NRXN3: variants seen among roughly 807,000 people sequenced by gnomAD.
The protein encoded by NRXN3 is neurexin 3.
NRXN3 carries 32 observed loss-of-function variants against 137.6 expected under a neutral mutation model. That is an observed-to-expected ratio of 0.23 (90% CI 0.18 to 0.31). NRXN3 has a LOEUF of 0.31. Ranked by LOEUF, NRXN3 falls within the 10% of genes least tolerant of loss-of-function variation. The pLI is 1.00. For synonymous variants in NRXN3, 798 were observed against 784.5 expected (o/e 1.02, Z -0.29); for missense variants, 1,574 against 2,062.5 (o/e 0.76, Z 4.59).
At chr14:79,394,918 T>C (rs1344662655) in intron 15 of NRXN3, among the ~76,000 whole-genome samples, 1 of 152,194 alleles carries the variant, frequency 6.6e-6, no homozygotes, top group East Asian at 1.9e-4. Context: ...GTAAATGCAG[T>C]TCTGTCTAGC....
At chr14:78,853,644 T>C (rs1193037704) in intron 10 of NRXN3, among the ~76,000 whole-genome samples, 1 of 152,212 alleles carries the variant, frequency 6.6e-6, no homozygotes, top group Non-Finnish European at 1.5e-5. Flanking sequence ...CTACAATTAG[T>C]CCACGTTTAA....
chr14:78,336,460 C>G (rs1407001556), intron 4 of NRXN3, among the ~76,000 whole-genome samples: 3 of 152,076 alleles, frequency 2.0e-5, no homozygotes, highest in East Asian at 1.9e-4. Context: ...TGGCAGTGTT[C>G]TAGGTACTTG....
chr14:79,534,594 A>T (rs890470237), intron 16 of NRXN3, among the ~76,000 whole-genome samples: 4 of 152,190 alleles, frequency 2.6e-5, no homozygotes, highest in African/African-American at 7.2e-5. Flanking sequence ...TGTGAATTCT[A>T]TTCAGAGTTT....
At chr14:79,478,017 G>A (rs2096575026) in intron 16 of NRXN3, among the ~76,000 whole-genome samples, 1 of 151,876 alleles carries the variant, frequency 6.6e-6, no homozygotes, top group Non-Finnish European at 1.5e-5. Flanking sequence ...ATTTCCAATT[G>A]GAAATACATG....
chr14:79,421,977 A>G (rs116385695), intron 15 of NRXN3, among the ~76,000 whole-genome samples: 63 of 151,092 alleles, frequency 4.2e-4, no homozygotes, highest in African/African-American at 1.4e-3. Context: ...AGACTTCACC[A>G]TGTAGATCTC....
chr14:78,582,381 A>G (rs1330529511), intron 4 of NRXN3, among the ~76,000 whole-genome samples: 1 of 152,228 alleles, frequency 6.6e-6, no homozygotes, highest in Non-Finnish European at 1.5e-5. Context: ...CAGCAGCAGC[A>G]TCTCTTTCTA....
intron 10 of NRXN3, among the ~76,000 whole-genome samples, chr14:78,817,453 A>G (rs2098937301): frequency 6.6e-6 from 1 of 152,210 alleles, no homozygotes; most frequent in African/African-American, 2.4e-5. Context: ...TCAAAGCACA[A>G]GCCTTCATAA....
rs2099239851 is a variant in NRXN3 at position 78,912,047 on chromosome 14, T to C, written c.2276-45195T>C. 2.6e-5 allele frequency among the ~76,000 whole-genome samples: 4 copies of C among 151,802 alleles called. No individual in the cohort carries two copies. In the South Asian group the frequency reaches 8.4e-4, roughly 32 times the overall value. On this transcript the variant is annotated intron_variant, in intron 10 of 20. Coordinates refer to ENST00000335750, the MANE Select transcript of NRXN3 (RefSeq NM_001330195.2). ...AACTCGTCATTTAGCATTAGGTATA[T>C]CTCCTAATGCTATCCCTCCCCCTGC...
At chr14:79,438,491 G>T (rs1372345840) in intron 15 of NRXN3, among the ~76,000 whole-genome samples, 1 of 152,106 alleles carries the variant, frequency 6.6e-6, no homozygotes, top group African/African-American at 2.4e-5. Context: ...TTAATGTATG[G>T]ATTTTCTGTC....
At chr14:79,625,351 G>C (rs1335136853) in intron 16 of NRXN3, among the ~76,000 whole-genome samples, 2 of 152,076 alleles carry the variant, frequency 1.3e-5, no homozygotes, top group Non-Finnish European at 2.9e-5. Flanking sequence ...TAACTATAAA[G>C]ACATGAACCA....
Position 78,243,220 on chromosome 14 carries a change from TG to T in NRXN3, c.130del (p.Asp44MetfsTer8). 6.5e-7 allele frequency: 1 copy of T among 1,549,548 alleles called. No homozygotes were observed. The highest frequency in any genetic ancestry group is 8.7e-7 in the Non-Finnish European group (1 of 1,154,906). On this transcript the variant is annotated frameshift_variant, in exon 2 of 21. Coordinates refer to ENST00000335750, the MANE Select transcript of NRXN3 (RefSeq NM_001330195.2). LOFTEE classifies it high-confidence loss of function. This position sits in a 1 kb window ranked among gnomAD's most constrained non-coding sequence, Gnocchi z 4.2. Reference sequence around the variant, plus strand: ...CAACCAGTGGGCCCGCTACCTCCGCTGGGATGCCAGCACACGCAGTGACCTG... The same window carrying T: ...CAACCAGTGGGCCCGCTACCTCCGCTGGATGCCAGCACACGCAGTGACCTG... ...LPNQWARYLR[W>X]DASTRSDLSF... is the part of the protein sequence containing the mutation.
chr14:78,304,225 T>C (rs1362759175), intron 4 of NRXN3, among the ~76,000 whole-genome samples: 1 of 152,170 alleles, frequency 6.6e-6, no homozygotes, highest in Non-Finnish European at 1.5e-5. Flanking sequence ...GCCCTGTGTG[T>C]GCAAGTGTCA....
At position 79,758,291 on chromosome 14, in the gene NRXN3, C is replaced by T. The variant is rs117073907; in HGVS notation, c.4015-46821C>T. 6.3e-3 allele frequency among the ~76,000 whole-genome samples: 956 copies of T among 152,248 alleles called. 5 individuals are homozygous for T. The highest frequency in any genetic ancestry group is 0.011 in the Non-Finnish European group (766 of 68,010). ...AGGTTTATTAGGGCTCATAGTTTTG[C>T]AGCCTGTGCAAGAAGCATGGCACCA... On this transcript the variant is annotated intron_variant, in intron 19 of 20. Transcript: ENST00000335750.
chr14:79,597,333 G>A (rs1260640542), intron 16 of NRXN3, among the ~76,000 whole-genome samples: 2 of 152,078 alleles, frequency 1.3e-5, no homozygotes, highest in Non-Finnish European at 2.9e-5. Flanking sequence ...TTTGTGCTTT[G>A]GAAATGCTTG....
At chr14:79,086,453 TG>T in intron 15 of NRXN3, among the ~76,000 whole-genome samples, 1 of 152,132 alleles carries the variant, frequency 6.6e-6, no homozygotes, top group East Asian at 1.9e-4. Context: ...AACTATATGC[TG>T]GGGGAAAGCT....
chr14:79,143,431 C>A (rs898783826), intron 15 of NRXN3, among the ~76,000 whole-genome samples: 3 of 152,244 alleles, frequency 2.0e-5, no homozygotes, highest in African/African-American at 7.2e-5. Flanking sequence ...AGATTGAACT[C>A]TCCAGGCTTG....
intron 19 of NRXN3, among the ~76,000 whole-genome samples, chr14:79,765,526 G>C (rs1185009324): frequency 7.9e-5 from 12 of 152,160 alleles, no homozygotes; most frequent in Non-Finnish European, 1.6e-4. Context: ...GAACTTCTGT[G>C]ACACTATTAG....
At position 79,861,672 on chromosome 14, in the gene NRXN3, C is replaced by A. The variant is rs531408967; in HGVS notation, c.4424C>A (p.Thr1475Lys). ...MFRNVPTANP[T>K]EPGIRRVPGA... ...CGTAATGTGCCCACAGCAAACCCCACGGAGCCGGGAATCAGACGGGTTCCG... is the reference window on the plus strand; with the variant it reads ...CGTAATGTGCCCACAGCAAACCCCAAGGAGCCGGGAATCAGACGGGTTCCG... The change falls in exon 21 of 21, where the codon ACG becomes AAG. Residue 1475 changes from threonine to lysine, a missense_variant. Physicochemically the swap from Thr to Lys is moderately conservative, Grantham distance 78. This residue lies in a region of NRXN3 where 320 missense variants were observed against 387.1 expected (regional missense o/e 0.83). Coordinates refer to ENST00000335750, the MANE Select transcript of NRXN3 (RefSeq NM_001330195.2). The surrounding 1 kb of genome is among the most constrained non-coding windows in gnomAD (Gnocchi z 5.4). 2 of 1,614,154 alleles carry A rather than the reference C, an allele frequency of 1.2e-6. No homozygotes were observed. Among genetic ancestry groups the A allele is most frequent in the Admixed American group, 1.7e-5 (1 of 60,024 alleles).
chr14:79,408,079 T>C (rs1398742062), intron 15 of NRXN3, among the ~76,000 whole-genome samples: 3 of 152,146 alleles, frequency 2.0e-5, no homozygotes, highest in Non-Finnish European at 4.4e-5. Flanking sequence ...CAAGTACATA[T>C]ACAGTATTGA....
Sources: allele counts gnomAD v4.1 joint callset (sites outside exome capture counted in the v4.1 genomes callset), GRCh38; gene constraint gnomAD v4.1.1; regional missense constraint gnomAD v4.1.1; non-coding constraint Gnocchi (gnomAD v3.1); transcripts MANE v1.5; gene names NCBI Gene and HGNC (gene_info 2026-07-23, HGNC 2026-07-21).